The following VTI1A variants were observed in gnomAD, a reference collection of about 807,000 sequenced individuals.
The protein encoded by VTI1A is vesicle transport through interaction with t-SNAREs 1A.
A neutral mutation model predicts 34.9 loss-of-function variants in VTI1A; 22 were observed. That is an observed-to-expected ratio of 0.63 (90% confidence interval 0.45 to 0.90). The LOEUF (loss-of-function observed/expected upper bound fraction) is 0.90. Ranked by LOEUF, VTI1A falls within the 40% of genes least tolerant of loss-of-function variation. VTI1A has a pLI of 0.00. For missense variants in VTI1A, 268 were observed against 275.6 expected (o/e 0.97, Z 0.20); for synonymous variants, 87 against 97.3 (o/e 0.89, Z 0.62).
intron 7 of VTI1A, among the ~76,000 whole-genome samples, chr10:112,735,611 C>A (rs1236339653): frequency 6.6e-6 from 1 of 152,172 alleles, no homozygotes; most frequent in East Asian, 1.9e-4. Context: ...AAGTTCTATA[C>A]CTCACCTTCA....
intron 3 of VTI1A, among the ~76,000 whole-genome samples, chr10:112,504,086 G>C (rs947148618): frequency 6.6e-6 from 1 of 152,132 alleles, no homozygotes; most frequent in Non-Finnish European, 1.5e-5. Context: ...CTGAAAAGTT[G>C]TTCTAAAAAT....
At chr10:112,452,825 C>A (rs548485281) in intron 1 of VTI1A, among the ~76,000 whole-genome samples, 106 of 151,600 alleles carry the variant, frequency 7.0e-4, no homozygotes, top group Non-Finnish European at 1.4e-3. Context: ...ATCCCATATA[C>A]CCCATGCCCA....
intron 5 of VTI1A, among the ~76,000 whole-genome samples, chr10:112,599,174 C>T (rs116818658): frequency 8.4e-4 from 128 of 152,252 alleles, no homozygotes; most frequent in African/African-American, 2.9e-3. Flanking sequence ...GTTTGAAACC[C>T]TCAAAAGGCC....
intron 7 of VTI1A, among the ~76,000 whole-genome samples, chr10:112,706,155 T>TGCTGCCGA (rs1424908128): frequency 6.6e-6 from 1 of 152,204 alleles, no homozygotes; most frequent in Non-Finnish European, 1.5e-5. Flanking sequence ...TCAGAGAAAG[T>TGCTGCCGA]GCTGCCGACA....
At chr10:112,836,639 T>TAGCACTTGAATC in the VTI1A span, among the ~76,000 whole-genome samples, 1 of 152,164 alleles carries the variant, frequency 6.6e-6, no homozygotes. Context: ...CCACGTGTAG[T>TAGCACTTGAATC]AGCACTTGAA....
At chr10:112,689,400 C>G (rs1237296565) in intron 7 of VTI1A, among the ~76,000 whole-genome samples, 1 of 152,174 alleles carries the variant, frequency 6.6e-6, no homozygotes, top group East Asian at 1.9e-4. Flanking sequence ...GAGGGGCAGC[C>G]TCTGCATTCT....
chr10:112,827,413 G>T, the VTI1A span: 1 of 152,070 alleles, frequency 6.6e-6, no homozygotes, highest in South Asian at 2.1e-4. Context: ...AAAGCAGTTA[G>T]AATGTCTGTT....
At chr10:112,534,861 C>A (rs1207752993) in intron 4 of VTI1A, among the ~76,000 whole-genome samples, 3 of 152,110 alleles carry the variant, frequency 2.0e-5, no homozygotes, top group Admixed American at 6.5e-5. Flanking sequence ...GGTGAAGAAT[C>A]TGAATTTTCA....
chr10:112,696,369 G>A (rs980391615), intron 7 of VTI1A, among the ~76,000 whole-genome samples: 3 of 152,050 alleles, frequency 2.0e-5, no homozygotes, highest in African/African-American at 7.2e-5. Flanking sequence ...AATTTTGGTA[G>A]CATAAGTCTT....
At chr10:112,710,324 C>T (rs1849369250) in intron 7 of VTI1A, among the ~76,000 whole-genome samples, 2 of 151,646 alleles carry the variant, frequency 1.3e-5, no homozygotes, top group Non-Finnish European at 2.9e-5. Context: ...TCTCCTGCCT[C>T]GGCCTCCCAA....
At chr10:112,751,570 A>G (rs1590151231) in intron 7 of VTI1A, among the ~76,000 whole-genome samples, 1 of 151,942 alleles carries the variant, frequency 6.6e-6, no homozygotes, top group African/African-American at 2.4e-5. Flanking sequence ...CAGTTAGGAC[A>G]TAATTTAAAA....
In VTI1A at chr10:112,701,303, A is replaced by C. The variant is rs1180989235; in HGVS notation, c.560+32305A>C. 3.9e-5 allele frequency among the ~76,000 whole-genome samples: 6 copies of C among 152,220 alleles called. No homozygotes were observed. In the East Asian group the frequency reaches 9.6e-4, roughly 24 times the overall value. On this transcript the variant is annotated intron_variant, in intron 7 of 7. Coordinates refer to ENST00000393077, the MANE Select transcript of VTI1A (RefSeq NM_145206.4). ...CAGAACAAGATCAGCCAGGAATAGC[A>C]ACACTTGGATGCCTGACTTGTGGAT... is the stretch of plus-strand genomic sequence containing the variant.
At chr10:112,586,475 C>T (rs2134416617) in intron 5 of VTI1A, among the ~76,000 whole-genome samples, 1 of 152,214 alleles carries the variant, frequency 6.6e-6, no homozygotes, top group South Asian at 2.1e-4. Flanking sequence ...CCTTAGTTTT[C>T]CTGCAATCCT....
At chr10:112,586,919 T>G (rs1053109339) in intron 5 of VTI1A, among the ~76,000 whole-genome samples, 1 of 152,248 alleles carries the variant, frequency 6.6e-6, no homozygotes, top group African/African-American at 2.4e-5. Flanking sequence ...CATTCTTTCA[T>G]GGACCTTGAA....
intron 7 of VTI1A, among the ~76,000 whole-genome samples, chr10:112,711,953 A>G (rs891565315): frequency 1.3e-5 from 2 of 152,172 alleles, no homozygotes; most frequent in Non-Finnish European, 2.9e-5. Flanking sequence ...GACACCTGAC[A>G]CATTCATAGT....
intron 7 of VTI1A, among the ~76,000 whole-genome samples, chr10:112,751,898 A>G (rs1488395420): frequency 2.0e-5 from 3 of 152,198 alleles, no homozygotes; most frequent in East Asian, 3.8e-4. Context: ...CCTTTGCTCA[A>G]CGGTGAATTC....
the VTI1A span, among the ~76,000 whole-genome samples, chr10:112,852,390 C>G: frequency 6.6e-6 from 1 of 152,210 alleles, no homozygotes. Flanking sequence ...CACTCTCTTG[C>G]TCTTAAATTA....
chr10:112,701,472 T>C (rs969350592), intron 7 of VTI1A, among the ~76,000 whole-genome samples: 1 of 152,230 alleles, frequency 6.6e-6, no homozygotes, highest in African/African-American at 2.4e-5. Context: ...AGATTTGGAA[T>C]GTATAAAGCC....
chr10:112,499,918 C>T (rs951814030), intron 3 of VTI1A, among the ~76,000 whole-genome samples: 5 of 152,148 alleles, frequency 3.3e-5, no homozygotes, highest in African/African-American at 1.2e-4. Context: ...GTTCTCTTGA[C>T]GTTTAGGAAC....
Sources: gnomAD v4.1 joint callset for allele counts (sites outside exome capture counted in the v4.1 genomes callset) on GRCh38, gnomAD v4.1.1 for gene constraint, MANE v1.5 for transcripts, NCBI Gene and HGNC (gene_info 2026-07-23, HGNC 2026-07-21) for gene names.